FAM222B: variants seen among roughly 807,000 people sequenced by gnomAD.
The protein encoded by FAM222B is protein FAM222B.
FAM222B carries 12 observed loss-of-function variants against 38.0 expected under a neutral mutation model. That is an observed-to-expected ratio of 0.32 (90% CI 0.20 to 0.51). The LOEUF is 0.51. FAM222B is among the 20% of genes least tolerant of loss of function. The pLI is 0.97. For missense variants in FAM222B, 716 were observed against 754.2 expected (o/e 0.95, Z 0.59); for synonymous variants, 329 against 317.2 (o/e 1.04, Z -0.40).
At position 28,786,894 on chromosome 17, in the gene FAM222B, A is replaced by ATTT. The variant is rs34396988; in HGVS notation, c.-40-20190_-40-20188dup. 1.8e-4 allele frequency among the ~76,000 whole-genome samples: 13 copies of ATTT among 72,032 alleles called. 1 individual carries two copies. The highest frequency in any genetic ancestry group is 2.5e-4 in the Non-Finnish European group (10 of 40,140). 47.3% of individuals were successfully genotyped at this position (72,032 alleles called of 152,430 possible). A position where few individuals can be genotyped will look rare whatever the true frequency, so the allele number is the denominator to read the frequency against. ...TAGCTAACACACTGCCCTTCACTGTATTTTTTTTTTTTTTTTTTTTTTTTT... is the reference window on the plus strand; with the variant it reads ...TAGCTAACACACTGCCCTTCACTGTATTTTTTTTTTTTTTTTTTTTTTTTTTTT... On this transcript the variant is annotated intron_variant, in intron 1 of 2. Coordinates refer to ENST00000581407, the MANE Select transcript of FAM222B (RefSeq NM_001077498.3).
intron 1 of FAM222B, among the ~76,000 whole-genome samples, chr17:28,828,900 TCTA>T (rs769162089): frequency 2.6e-5 from 4 of 151,416 alleles, no homozygotes; most frequent in Non-Finnish European, 4.4e-5. Flanking sequence ...CAGTCAACTC[TCTA>T]CTTTTTTTTT....
chr17:28,849,275 AGTG>A (rs2039166056), intron 1 of FAM222B: 2 of 151,730 alleles, frequency 1.3e-5, no homozygotes, highest in Admixed American at 6.6e-5. Flanking sequence ...AAAAAAAAAA[AGTG>A]GGGGATGACC....
intron 1 of FAM222B, among the ~76,000 whole-genome samples, chr17:28,807,920 G>A (rs1341624691): frequency 2.6e-5 from 4 of 152,274 alleles, no homozygotes; most frequent in Non-Finnish European, 2.9e-5. Context: ...AGTTTGTATC[G>A]GAAAGGTAAC....
intron 1 of FAM222B, among the ~76,000 whole-genome samples, chr17:28,811,528 T>C (rs1235665666): frequency 6.6e-6 from 1 of 152,158 alleles, no homozygotes; most frequent in Non-Finnish European, 1.5e-5. Context: ...TTTTTGACGA[T>C]AGAAACTACT....
At chr17:28,792,429 G>A (rs906151384) in intron 1 of FAM222B, among the ~76,000 whole-genome samples, 3 of 151,868 alleles carry the variant, frequency 2.0e-5, no homozygotes, top group Admixed American at 6.6e-5. Context: ...TCAGTGAGCC[G>A]TCATCGTGCC....
intron 1 of FAM222B, among the ~76,000 whole-genome samples, chr17:28,798,698 G>T (rs960078051): frequency 6.7e-6 from 1 of 149,940 alleles, no homozygotes; most frequent in African/African-American, 2.4e-5. Context: ...GCAGTGGCGC[G>T]ATCTCGGCTC....
rs764940150 is a variant in FAM222B, at chr17:28,759,239, C to CG, written c.719dup (p.Asn241GlufsTer27). Reference sequence around the variant, plus strand: ...TAGTTGAGGTAGACACGGTCACATTCGGGGGGGCATCTGAGTCTGGCATCT... The same window carrying CG: ...TAGTTGAGGTAGACACGGTCACATTCGGGGGGGGCATCTGAGTCTGGCATCT... On this transcript the variant is annotated frameshift_variant, in exon 3 of 3. Coordinates refer to ENST00000581407, the MANE Select transcript of FAM222B (RefSeq NM_001077498.3). LOFTEE classifies it high-confidence loss of function. This position sits in a 1 kb window ranked among gnomAD's most constrained non-coding sequence, Gnocchi z 4.8. The CG allele has an allele frequency of 2.5e-6, 4 of 1,613,424 alleles. No individual in the cohort carries two copies. The highest frequency in any genetic ancestry group is 1.7e-6 in the Non-Finnish European group (2 of 1,179,744).
chr17:28,842,021 A>G (rs757713732), intron 1 of FAM222B, among the ~76,000 whole-genome samples: 1 of 152,220 alleles, frequency 6.6e-6, no homozygotes, highest in Non-Finnish European at 1.5e-5. Flanking sequence ...TTGGTGATAC[A>G]TTAACATCAA....
upstream of FAM222B, among the ~76,000 whole-genome samples, chr17:28,847,527 G>A (rs1407034141): frequency 2.6e-5 from 4 of 151,520 alleles, no homozygotes; most frequent in Admixed American, 6.6e-5. Flanking sequence ...CTGGGAAGTG[G>A]AGGTTGCAGT....
chr17:28,827,921 TAGG>T lies in FAM222B; in HGVS notation c.-41+14758_-41+14760del, dbSNP rs1199519533. 2.0e-5 allele frequency among the ~76,000 whole-genome samples: 3 copies of T among 151,854 alleles called. No homozygotes were observed. The East Asian group carries it at 5.8e-4, about 29-fold the overall frequency. Reference sequence around the variant, plus strand: ...TAAGCCTTGAGACATGCAGATTAGTTAGGAGGCTACTGTAACTGTCAGAGTTAA... The same window carrying T: ...TAAGCCTTGAGACATGCAGATTAGTTAGGCTACTGTAACTGTCAGAGTTAA... On this transcript the variant is annotated intron_variant, in intron 1 of 2. Transcript: ENST00000581407.
intron 1 of FAM222B, among the ~76,000 whole-genome samples, chr17:28,767,624 TG>T (rs897906420): frequency 6.6e-6 from 1 of 151,664 alleles, no homozygotes; most frequent in African/African-American, 2.4e-5. Context: ...TACAGGCGCA[TG>T]CCGCCATGCC....
intron 1 of FAM222B, among the ~76,000 whole-genome samples, chr17:28,769,519 G>A (rs1186506427): frequency 1.3e-5 from 2 of 151,070 alleles, no homozygotes; most frequent in Admixed American, 6.6e-5. Context: ...GGATGGTCTC[G>A]ATCTCTTGAC....
At chr17:28,832,189 C>CA (rs1391126631) in intron 1 of FAM222B, among the ~76,000 whole-genome samples, 2 of 149,388 alleles carry the variant, frequency 1.3e-5, no homozygotes, top group Admixed American at 6.7e-5. Flanking sequence ...GACTCCATCT[C>CA]AAAAAAAATA....
Position 28,790,915 on chromosome 17 carries a change from T to TTTTA in FAM222B, c.-40-24209_-40-24208insTAAA, listed in dbSNP as rs752443903. Among the ~76,000 whole-genome samples the TTTTA allele has an allele frequency of 2.2e-3, 265 of 121,070 alleles. 8 individuals are homozygous for TTTTA. The highest frequency in any genetic ancestry group is 8.1e-3 in the African/African-American group (249 of 30,850). 79.4% of individuals were successfully genotyped at this position (121,070 alleles called of 152,430 possible). On this transcript the variant is annotated intron_variant, in intron 1 of 2. Transcript: ENST00000581407. ...TTTTTTTTTTTTTTTTTTTTTTTTT[T>TTTTA]AGAGACAGAATCTTGCTCTGTTGCC...
At chr17:28,831,588 C>T (rs2038671496) in intron 1 of FAM222B, among the ~76,000 whole-genome samples, 1 of 148,608 alleles carries the variant, frequency 6.7e-6, no homozygotes, top group Non-Finnish European at 1.5e-5. Context: ...TTCACTGCAA[C>T]CTCCGCCTTC....
At position 28,818,322 on chromosome 17, in the gene FAM222B, A is replaced by G. The variant is rs536541290; in HGVS notation, c.-41+24360T>C. 5.3e-5 allele frequency among the ~76,000 whole-genome samples: 8 copies of G among 152,182 alleles called. No homozygotes were observed. In the South Asian group the frequency reaches 1.4e-3, roughly 28 times the overall value. On this transcript the variant is annotated intron_variant, in intron 1 of 2. Coordinates refer to ENST00000581407, the MANE Select transcript of FAM222B (RefSeq NM_001077498.3). ...GGTGGGCGGATCACGAGGTCAGGAG[A>G]TCGAGACCATCTGGGCTAACACGGT...
chr17:28,790,901 T>A lies in FAM222B; in HGVS notation c.-40-24194A>T, dbSNP rs980852436. ...TTGTTTCACTTTTTTTTTTTTTTTT[T>A]TTTTTTTTTTTTTTAGAGACAGAAT... is the stretch of plus-strand genomic sequence containing the variant. On this transcript the variant is annotated intron_variant, in intron 1 of 2. Transcript: ENST00000581407. Among the ~76,000 whole-genome samples, 40 of 121,596 alleles carry A rather than the reference T, an allele frequency of 3.3e-4. 1 individual carries two copies. The highest frequency in any genetic ancestry group is 5.6e-4 in the Non-Finnish European group (32 of 57,138). The allele number at this position is 121,596 out of a possible 152,430, so 79.8% of individuals were successfully genotyped here. A position where few individuals can be genotyped will look rare whatever the true frequency, so the allele number is the denominator to read the frequency against.
intron 2 of FAM222B, among the ~76,000 whole-genome samples, chr17:28,765,042 C>A (rs1037698524): frequency 1.8e-4 from 27 of 152,182 alleles, no homozygotes; most frequent in African/African-American, 6.5e-4. Flanking sequence ...ACCCAATCAT[C>A]ACTTATTAAG....
intron 1 of FAM222B, among the ~76,000 whole-genome samples, chr17:28,850,558 G>A (rs547539550): frequency 1.3e-5 from 2 of 152,118 alleles, no homozygotes; most frequent in Middle Eastern, 3.4e-3. Context: ...TCGGCCTCCC[G>A]AAGTGCTGGG....
Sources: allele counts gnomAD v4.1 joint callset (sites outside exome capture counted in the v4.1 genomes callset), GRCh38; gene constraint gnomAD v4.1.1; non-coding constraint Gnocchi (gnomAD v3.1); transcripts MANE v1.5; gene names NCBI Gene and HGNC (gene_info 2026-07-23, HGNC 2026-07-21).